The following IGSF11 variants were observed in gnomAD, a reference collection of about 807,000 sequenced individuals.
The protein encoded by IGSF11 is CXADR like 1.
In IGSF11, 22 loss-of-function variants were observed where a neutral mutation model predicts 41.0. The observed-to-expected ratio is 0.54, with a 90% confidence interval of 0.38 to 0.77. IGSF11 has a LOEUF of 0.77. Ranked by LOEUF, IGSF11 falls within the 30% of genes least tolerant of loss-of-function variation. The pLI, the probability that IGSF11 is intolerant of heterozygous loss-of-function variation, is 0.00. For missense variants in IGSF11, 444 were observed against 530.8 expected, an observed-to-expected ratio of 0.84 and a Z score of 1.61; for synonymous variants, 219 against 201.3, an observed-to-expected ratio of 1.09 and a Z score of -0.74.
intron 1 of IGSF11, among the ~76,000 whole-genome samples, chr3:119,080,220 A>G (rs2076566305): frequency 6.6e-6 from 1 of 152,040 alleles, no homozygotes; most frequent in Non-Finnish European, 1.5e-5. Flanking sequence ...CCCTTTTATA[A>G]TTTTTCTATG....
At chr3:119,034,449 C>T in intron 1 of IGSF11, 82 bp downstream of exon 1, 1 of 1,315,844 alleles carries the variant, frequency 7.6e-7, no homozygotes, top group South Asian at 1.7e-5. Context: ...CAAGGAGGCT[C>T]TTTGCCGTCC....
intron 1 of IGSF11, among the ~76,000 whole-genome samples, chr3:119,045,652 G>T (rs905837252): frequency 6.6e-6 from 1 of 152,042 alleles, no homozygotes; most frequent in Non-Finnish European, 1.5e-5. Flanking sequence ...ACAGCTCAAG[G>T]AGGCCTGCCT....
intron 1 of IGSF11, among the ~76,000 whole-genome samples, chr3:118,972,131 C>T (rs1409264881): frequency 6.6e-6 from 1 of 152,320 alleles, no homozygotes; most frequent in Admixed American, 6.5e-5. Flanking sequence ...TAGGGGGTTG[C>T]TCTCACTACA....
intron 1 of IGSF11, among the ~76,000 whole-genome samples, chr3:119,053,985 T>C (rs1414678685): frequency 6.6e-6 from 1 of 152,104 alleles, no homozygotes; most frequent in East Asian, 1.9e-4. Flanking sequence ...TGAAACTGGA[T>C]CCTCATCTCT....
chr3:119,084,891 C>T lies in IGSF11; in HGVS notation c.49+20253G>A, dbSNP rs577155177. 1.1e-4 allele frequency among the ~76,000 whole-genome samples: 17 copies of T among 152,264 alleles called. 1 individual carries two copies. In the South Asian group the frequency reaches 1.9e-3, roughly 17 times the overall value. The stretch of plus-strand genomic sequence containing the variant: ...AGACTGCCAAGACAGGATCTGTGCC[C>T]GGCACTTGAGCTGGGGAGGAGCCCA... On this transcript the variant is annotated intron_variant, in intron 1 of 6. Transcript: ENST00000354673.
chr3:118,924,178 T>C (rs1327729308), intron 4 of IGSF11, among the ~76,000 whole-genome samples: 4 of 152,148 alleles, frequency 2.6e-5, no homozygotes, highest in African/African-American at 7.2e-5. Context: ...TATTTAATGT[T>C]TGAATTGTCC....
rs561631732 is a variant in IGSF11 at position 119,002,444 on chromosome 3, T to C, written c.52+32087A>G. ...GGTTGCCTGTTCACTCTGATGGTACTTTCTTTTGCTGTGCAGAAGCTCTTT... is the reference window on the plus strand; with the variant it reads ...GGTTGCCTGTTCACTCTGATGGTACCTTCTTTTGCTGTGCAGAAGCTCTTT... On this transcript the variant is annotated intron_variant, in intron 1 of 6. Coordinates refer to ENST00000393775, the MANE Select transcript of IGSF11 (RefSeq NM_001015887.3). Among the ~76,000 whole-genome samples, 14 of 148,134 alleles carry C rather than the reference T, an allele frequency of 9.5e-5. 1 individual carries two copies. The South Asian group carries it at 2.8e-3, about 30-fold the overall frequency.
At position 119,103,649 on chromosome 3, in the gene IGSF11, T is replaced by C. The variant is rs9866026; in HGVS notation, c.49+1495A>G. On this transcript the variant is annotated intron_variant, in intron 1 of 6. Transcript: ENST00000354673. ...TCCAAAGTCATCAAAGATCAGTTGCTATAGGGCTGTATCCAATGCAGAGTC... is the reference window on the plus strand; with the variant it reads ...TCCAAAGTCATCAAAGATCAGTTGCCATAGGGCTGTATCCAATGCAGAGTC... Among the ~76,000 whole-genome samples the C allele has an allele frequency of 6.7e-3, 1,023 of 151,832 alleles. 10 individuals carry two copies. Among genetic ancestry groups the C allele is most frequent in the Non-Finnish European group, 0.011 (760 of 67,684 alleles).
At chr3:119,049,716 G>T (rs1462333709) in intron 1 of IGSF11, among the ~76,000 whole-genome samples, 1 of 152,112 alleles carries the variant, frequency 6.6e-6, no homozygotes, top group Non-Finnish European at 1.5e-5. Flanking sequence ...AAAGAACAAA[G>T]CTGGAGGCAT....
At chr3:118,953,598 T>C (rs1171662899) in intron 1 of IGSF11, among the ~76,000 whole-genome samples, 2 of 152,186 alleles carry the variant, frequency 1.3e-5, no homozygotes, top group Non-Finnish European at 1.5e-5. Flanking sequence ...TGGCCATTCT[T>C]GCAGAAGTAA....
At chr3:119,088,670 CA>C (rs1447288236) in intron 1 of IGSF11, among the ~76,000 whole-genome samples, 5 of 151,908 alleles carry the variant, frequency 3.3e-5, no homozygotes, top group Admixed American at 1.3e-4. Context: ...GTTGGTTCTT[CA>C]AAAAATAAAT....
intron 1 of IGSF11, among the ~76,000 whole-genome samples, chr3:119,094,631 G>A (rs764170923): frequency 6.6e-6 from 1 of 151,590 alleles, no homozygotes; most frequent in South Asian, 2.1e-4. Context: ...ACCAAAGTAG[G>A]GTAGGTGAAC....
intron 1 of IGSF11, among the ~76,000 whole-genome samples, chr3:118,935,349 T>TAC (rs1943176364): frequency 7.1e-6 from 1 of 140,278 alleles, no homozygotes; most frequent in African/African-American, 2.7e-5. Context: ...TATATATATA[T>TAC]ACATGTATAT....
intron 1 of IGSF11, among the ~76,000 whole-genome samples, chr3:119,086,391 G>A (rs1395115735): frequency 6.6e-6 from 1 of 151,970 alleles, no homozygotes; most frequent in Non-Finnish European, 1.5e-5. Context: ...ACAGAAAAAC[G>A]TGGCCAGACA....
chr3:119,009,819 C>T (rs1458050104), intron 1 of IGSF11, among the ~76,000 whole-genome samples: 1 of 152,072 alleles, frequency 6.6e-6, no homozygotes, highest in African/African-American at 2.4e-5. Flanking sequence ...TTTCAACTAC[C>T]ATACAAATTG....
At chr3:119,026,066 C>A (rs1043921851) in intron 1 of IGSF11, among the ~76,000 whole-genome samples, 1 of 152,016 alleles carries the variant, frequency 6.6e-6, no homozygotes, top group Admixed American at 6.6e-5. Flanking sequence ...GTCAGGAGTT[C>A]GAGACCAGCC....
chr3:119,083,164 A>G (rs1461689803), intron 1 of IGSF11, among the ~76,000 whole-genome samples: 1 of 141,750 alleles, frequency 7.1e-6, no homozygotes, highest in African/African-American at 2.7e-5. Context: ...CAGCATCTCA[A>G]TCCTGTTGCC....
chr3:119,050,274 A>G lies in IGSF11; in HGVS notation c.49+54870T>C, dbSNP rs570156582. Reference sequence around the variant, plus strand: ...ATCTGACAAAGGGCTAATATCCAGAACCTACAATGAACTCAAATTTACAAG... The same window carrying G: ...ATCTGACAAAGGGCTAATATCCAGAGCCTACAATGAACTCAAATTTACAAG... On this transcript the variant is annotated intron_variant, in intron 1 of 6. Coordinates refer to the IGSF11 transcript ENST00000354673. Among the ~76,000 whole-genome samples, 12 of 151,908 alleles carry G rather than the reference A, an allele frequency of 7.9e-5. No individual in the cohort carries two copies. The South Asian group carries it at 2.5e-3, about 32-fold the overall frequency.
At chr3:118,904,857 C>A in intron 5 of IGSF11, 59 bp from the exon 6 acceptor site, 2 of 1,383,972 alleles carry the variant, frequency 1.4e-6, no homozygotes, top group Admixed American at 2.2e-5. Flanking sequence ...TAGCATATAC[C>A]CATGCAACTG....
Sources: gnomAD v4.1 joint callset for allele counts (sites outside exome capture counted in the v4.1 genomes callset) on GRCh38, gnomAD v4.1.1 for gene constraint, MANE v1.5 for transcripts, NCBI Gene and HGNC (gene_info 2026-07-23, HGNC 2026-07-21) for gene names.